Variants in PAPPA observed in about 807,000 individuals in gnomAD.
The protein encoded by PAPPA is pappalysin 1.
In PAPPA, 60 loss-of-function variants were observed where a neutral mutation model predicts 164.0. The ratio of observed to expected loss-of-function variants is 0.37; its 90% CI spans 0.30 to 0.45. PAPPA has a LOEUF of 0.45. PAPPA is among the 20% of genes least tolerant of loss of function. The pLI, the probability that PAPPA is intolerant of heterozygous loss-of-function variation, is 1.00. For missense variants in PAPPA, 1,782 were observed against 2,087.3 expected, an observed-to-expected ratio of 0.85 and a Z score of 2.85; for synonymous variants, 875 against 814.1, an observed-to-expected ratio of 1.07 and a Z score of -1.27.
chr9:116,353,223 T>C (rs1032708980), intron 16 of PAPPA, among the ~76,000 whole-genome samples: 2 of 152,130 alleles, frequency 1.3e-5, no homozygotes, highest in African/African-American at 4.8e-5. Context: ...CCACGTAAGG[T>C]TGTTATGAAG....
chr9:116,358,005 C>G (rs755318210), intron 17 of PAPPA, among the ~76,000 whole-genome samples: 25 of 151,286 alleles, frequency 1.7e-4, no homozygotes, highest in Admixed American at 7.9e-4. Context: ...GTGAGCCCTG[C>G]CATGGACAAG....
At chr9:116,235,005 C>G in intron 6 of PAPPA, 134 bp from the exon 7 acceptor site, 1 of 928,512 alleles carries the variant, frequency 1.1e-6, no homozygotes, top group Non-Finnish European at 1.7e-6. Flanking sequence ...ACCAAGGCAC[C>G]AAGAACCTTC....
At chr9:116,214,783 T>G (rs1002199823) in intron 4 of PAPPA, among the ~76,000 whole-genome samples, 3 of 152,162 alleles carry the variant, frequency 2.0e-5, no homozygotes, top group Non-Finnish European at 4.4e-5. Context: ...AGCCAGGCTT[T>G]CTCTAGCCTA....
intron 21 of PAPPA, among the ~76,000 whole-genome samples, chr9:116,395,772 T>G (rs529094400): frequency 6.6e-6 from 1 of 152,228 alleles, no homozygotes; most frequent in Non-Finnish European, 1.5e-5. Context: ...AAAACCACCA[T>G]GCGATCTATT....
intron 10 of PAPPA, among the ~76,000 whole-genome samples, chr9:116,306,160 G>T (rs894168867): frequency 1.3e-5 from 2 of 152,206 alleles, no homozygotes; most frequent in African/African-American, 4.8e-5. Flanking sequence ...TATGTGCCTA[G>T]TTCTGTGCTA....
At chr9:116,254,148 A>T (rs903157805) in intron 7 of PAPPA, among the ~76,000 whole-genome samples, 1 of 152,062 alleles carries the variant, frequency 6.6e-6, no homozygotes, top group Non-Finnish European at 1.5e-5. Context: ...CAGCCCCTAC[A>T]TTTTTTAGGC....
intron 9 of PAPPA, among the ~76,000 whole-genome samples, chr9:116,293,178 A>G (rs551304415): frequency 6.6e-6 from 1 of 152,336 alleles, no homozygotes; most frequent in Non-Finnish European, 1.5e-5. Flanking sequence ...AACGCAATAA[A>G]TTTTACTGTG....
At chr9:116,385,265 ATAAATAAATAAATAAATAAT>A (rs1279273567) in intron 21 of PAPPA, among the ~76,000 whole-genome samples, 1 of 83,754 alleles carries the variant, frequency 1.2e-5, no homozygotes, top group Non-Finnish European at 2.3e-5. Flanking sequence ...AAATAAATAA[ATAAATAAATAAATAAATAAT>A]AATTTGGAAT....
At chr9:116,357,231 A>G (rs1174996074) in intron 17 of PAPPA, among the ~76,000 whole-genome samples, 1 of 152,264 alleles carries the variant, frequency 6.6e-6, no homozygotes, top group African/African-American at 2.4e-5. Context: ...CAAATGAGCA[A>G]CAAAATGTTA....
intron 10 of PAPPA, among the ~76,000 whole-genome samples, chr9:116,320,174 G>A (rs1046664624): frequency 6.6e-6 from 1 of 152,182 alleles, no homozygotes; most frequent in Admixed American, 6.5e-5. Flanking sequence ...CCTTTCCATT[G>A]AAAGCCTGGC....
chr9:116,315,046 T>A (rs1408491910), intron 10 of PAPPA, among the ~76,000 whole-genome samples: 1 of 152,192 alleles, frequency 6.6e-6, no homozygotes. Context: ...AATGGACTCA[T>A]TAAATGATGT....
chr9:116,200,064 C>T (rs1328771567), intron 2 of PAPPA, among the ~76,000 whole-genome samples: 1 of 152,136 alleles, frequency 6.6e-6, no homozygotes, highest in Non-Finnish European at 1.5e-5. Context: ...TTCAATGTGA[C>T]ATTTGGAGGG....
At chr9:116,177,890 T>C (rs2118604883) in intron 1 of PAPPA, among the ~76,000 whole-genome samples, 1 of 152,290 alleles carries the variant, frequency 6.6e-6, no homozygotes, top group East Asian at 1.9e-4. Context: ...TGATCTTTTT[T>C]TCTTGTCCTT....
rs201621084 is a variant in PAPPA, at chr9:116,253,691, G to GA, written c.2733-12160dup. Among the ~76,000 whole-genome samples, 434 of 152,142 alleles carry GA rather than the reference G, an allele frequency of 2.9e-3. 2 individuals carry two copies. Among genetic ancestry groups the GA allele is most frequent in the African/African-American group, 0.01 (421 of 41,512 alleles). ...AGGCATACATAGTCATCACTCAGTGGAAAAAACTGTGTGTATATAACTTTA... is the reference window on the plus strand; with the variant it reads ...AGGCATACATAGTCATCACTCAGTGGAAAAAAACTGTGTGTATATAACTTTA... On this transcript the variant is annotated intron_variant, in intron 7 of 21. Coordinates refer to ENST00000328252, the MANE Select transcript of PAPPA (RefSeq NM_002581.5).
chr9:116,319,672 T>C (rs946994347), intron 10 of PAPPA, among the ~76,000 whole-genome samples: 2 of 152,198 alleles, frequency 1.3e-5, no homozygotes, highest in Non-Finnish European at 2.9e-5. Flanking sequence ...TGTGTGGGTC[T>C]CAGTTTTCTC....
At chr9:116,229,284 G>C (rs1220679515) in intron 6 of PAPPA, among the ~76,000 whole-genome samples, 1 of 152,194 alleles carries the variant, frequency 6.6e-6, no homozygotes, top group Middle Eastern at 3.4e-3. Flanking sequence ...CGTTTATAGG[G>C]TATCCTCAAA....
chr9:116,229,482 C>T (rs1458422999), intron 6 of PAPPA, among the ~76,000 whole-genome samples: 2 of 152,134 alleles, frequency 1.3e-5, no homozygotes, highest in Non-Finnish European at 2.9e-5. Flanking sequence ...GTTTATAAAG[C>T]GGAAACTACT....
rs1013419010 is a variant in PAPPA at position 116,391,572 on chromosome 9, C to T, written c.4777-4937C>T. On this transcript the variant is annotated intron_variant, in intron 21 of 21. Transcript: ENST00000328252. ...CAGCCAGGGCCTTGTGGTATAGTTG[C>T]CTGAGCTGCATTCCTGAGCCACTCA... is the stretch of plus-strand genomic sequence containing the variant. Among the ~76,000 whole-genome samples the T allele has an allele frequency of 7.2e-5, 11 of 152,354 alleles. No individual in the cohort carries two copies. The East Asian group carries it at 2.1e-3, about 29-fold the overall frequency.
intron 7 of PAPPA, among the ~76,000 whole-genome samples, chr9:116,240,344 G>C (rs1218544404): frequency 6.6e-6 from 1 of 152,176 alleles, no homozygotes; most frequent in African/African-American, 2.4e-5. Context: ...GGAAGAAACA[G>C]AAACACAGAG....
Sources: gnomAD v4.1 joint callset for allele counts (sites outside exome capture counted in the v4.1 genomes callset) on GRCh38, gnomAD v4.1.1 for gene constraint, MANE v1.5 for transcripts, NCBI Gene and HGNC (gene_info 2026-07-23, HGNC 2026-07-21) for gene names.